CMSS1: variants seen among roughly 807,000 people sequenced by gnomAD.
The protein encoded by CMSS1 is cms1 ribosomal small subunit homolog, also known as protein CMSS1.
CMSS1 carries 33 observed loss-of-function variants against 43.5 expected under a neutral mutation model. The observed-to-expected ratio is 0.76, with a 90% CI of 0.57 to 1.01. The LOEUF (loss-of-function observed/expected upper bound fraction) is 1.01. Among genes scored for constraint, CMSS1 ranks in the 50% least tolerant of loss-of-function variants. The pLI is 0.00. For missense variants in CMSS1, 313 were observed against 326.4 expected (o/e 0.96, Z 0.32); for synonymous variants, 115 against 117.2 (o/e 0.98, Z 0.12).
At chr3:99,925,950 A>T in intron 1 of CMSS1, 1 of 897,764 alleles carries the variant, frequency 1.1e-6, no homozygotes, top group Non-Finnish European at 1.3e-6. Context: ...CTAACTCGGG[A>T]TCTTTTGCTA....
intron 3 of CMSS1, among the ~76,000 whole-genome samples, chr3:100,161,595 C>G (rs1370990800): frequency 6.6e-6 from 1 of 152,022 alleles, no homozygotes; most frequent in Admixed American, 6.6e-5. Flanking sequence ...AATGCTCCTT[C>G]TGGATCTTTG....
At chr3:99,873,895 G>C (rs1476274687) in intron 1 of CMSS1, among the ~76,000 whole-genome samples, 2 of 152,148 alleles carry the variant, frequency 1.3e-5, no homozygotes, top group African/African-American at 2.4e-5. Flanking sequence ...AACTTACTAA[G>C]CATAAAATTA....
At chr3:100,021,954 TGTGTGTGAGAGA>T (rs1478402021) in intron 1 of CMSS1, among the ~76,000 whole-genome samples, 7 of 114,418 alleles carry the variant, frequency 6.1e-5, no homozygotes, top group East Asian at 3.0e-4. Context: ...TGTGTGTGTG[TGTGTGTGAGAGA>T]GAGAGAGAGA....
At chr3:99,938,050 A>AGTGTGTGTGTGTGT (rs71625545) in intron 1 of CMSS1, among the ~76,000 whole-genome samples, 1 of 148,902 alleles carries the variant, frequency 6.7e-6, no homozygotes, top group African/African-American at 2.5e-5. Context: ...AGGCTCAGGA[A>AGTGTGTGTGTGTGT]GTGTGTGTGT....
chr3:100,000,772 G>T (rs1376264956), intron 1 of CMSS1, among the ~76,000 whole-genome samples: 5 of 152,238 alleles, frequency 3.3e-5, no homozygotes, highest in African/African-American at 9.6e-5. Context: ...ACTGTTTACA[G>T]TTTGGTGTTT....
intron 1 of CMSS1, among the ~76,000 whole-genome samples, chr3:99,991,323 A>G (rs1709504435): frequency 6.6e-6 from 1 of 152,204 alleles, no homozygotes; most frequent in Non-Finnish European, 1.5e-5. Context: ...CAAAAGTTTT[A>G]AAACACTCAG....
intron 6 of CMSS1, among the ~76,000 whole-genome samples, chr3:100,169,107 T>G (rs2067089433): frequency 6.6e-6 from 1 of 151,686 alleles, no homozygotes; most frequent in Non-Finnish European, 1.5e-5. Flanking sequence ...GTTTAATAAG[T>G]GGTGTTGGAA....
intron 1 of CMSS1, among the ~76,000 whole-genome samples, chr3:99,990,900 A>G (rs1709491060): frequency 6.6e-6 from 1 of 152,180 alleles, no homozygotes. Flanking sequence ...GCAGAGAGCA[A>G]ATGAAAAAAG....
intron 1 of CMSS1, among the ~76,000 whole-genome samples, chr3:100,044,211 G>A (rs963459871): frequency 1.2e-4 from 18 of 152,194 alleles, no homozygotes; most frequent in Non-Finnish European, 2.1e-4. Flanking sequence ...TTGATTGAGC[G>A]TCTTCTATGT....
intron 1 of CMSS1, among the ~76,000 whole-genome samples, chr3:99,972,098 GAC>G (rs1405959084): frequency 6.6e-6 from 1 of 152,202 alleles, no homozygotes; most frequent in East Asian, 1.9e-4. Context: ...ACCTGGTTCT[GAC>G]AGATATAAGG....
chr3:100,071,789 C>A (rs1364658839), intron 1 of CMSS1, among the ~76,000 whole-genome samples: 1 of 152,190 alleles, frequency 6.6e-6, no homozygotes, highest in Non-Finnish European at 1.5e-5. Flanking sequence ...TTGTCTTCTT[C>A]CTGCCCTGGT....
chr3:99,826,502 G>A (rs2107478675), intron 1 of CMSS1, among the ~76,000 whole-genome samples: 1 of 152,302 alleles, frequency 6.6e-6, no homozygotes, highest in African/African-American at 2.4e-5. Context: ...TGAATTTTAT[G>A]TAATTTTCAC....
At chr3:99,920,512 C>T (rs909905739) in intron 1 of CMSS1, among the ~76,000 whole-genome samples, 5 of 152,216 alleles carry the variant, frequency 3.3e-5, no homozygotes, top group African/African-American at 1.2e-4. Flanking sequence ...TGGTGACACA[C>T]GTATCCACAT....
intron 1 of CMSS1, among the ~76,000 whole-genome samples, chr3:100,039,573 A>AT (rs2065166331): frequency 6.6e-6 from 1 of 152,202 alleles, no homozygotes; most frequent in African/African-American, 2.4e-5. Flanking sequence ...CAGATACCAA[A>AT]TAAGATCTAG....
At chr3:100,106,371 C>T (rs780612859) in intron 1 of CMSS1, among the ~76,000 whole-genome samples, 1 of 152,078 alleles carries the variant, frequency 6.6e-6, no homozygotes, top group African/African-American at 2.4e-5. Context: ...TGGATCTGTT[C>T]CAAGGACCCT....
intron 1 of CMSS1, among the ~76,000 whole-genome samples, chr3:100,020,504 A>G (rs2064790170): frequency 1.3e-5 from 2 of 152,188 alleles, no homozygotes; most frequent in Non-Finnish European, 2.9e-5. Context: ...TGAAGGCCTC[A>G]GGTAGGGCTT....
chr3:100,047,219 G>A (rs35669453), intron 1 of CMSS1, among the ~76,000 whole-genome samples: 28,146 of 151,998 alleles, frequency 0.19, 2,947 homozygotes, highest in South Asian at 0.25. Flanking sequence ...AAAAACTATC[G>A]GAGGGAAGTG....
chr3:100,087,266 A>C (rs1310547888), intron 1 of CMSS1, among the ~76,000 whole-genome samples: 1 of 152,258 alleles, frequency 6.6e-6, no homozygotes, highest in Non-Finnish European at 1.5e-5. Context: ...CTTATAAAGA[A>C]CTGCCAAACT....
At chr3:99,906,498 T>C (rs1189944976) in intron 1 of CMSS1, among the ~76,000 whole-genome samples, 3 of 152,244 alleles carry the variant, frequency 2.0e-5, no homozygotes, top group East Asian at 1.9e-4. Flanking sequence ...CCTGTTGTTG[T>C]ATTTTGATTA....
Sources: allele counts gnomAD v4.1 joint callset (sites outside exome capture counted in the v4.1 genomes callset), GRCh38; gene constraint gnomAD v4.1.1; transcripts MANE v1.5; gene names NCBI Gene and HGNC (gene_info 2026-07-23, HGNC 2026-07-21).